Variants in FOXN3 observed in about 807,000 individuals in gnomAD.
FOXN3 encodes the protein forkhead box protein N3.
Under a neutral mutation model 38.4 loss-of-function variants are expected in FOXN3, and 7 were observed. The ratio of observed to expected loss-of-function variants is 0.18; its 90% confidence interval spans 0.10 to 0.34. The LOEUF is 0.34. Among genes scored for constraint, FOXN3 ranks in the 10% least tolerant of loss-of-function variants. The pLI, the probability that FOXN3 is intolerant of heterozygous loss-of-function variation, is 1.00. For synonymous variants in FOXN3, 230 were observed against 242.2 expected, an observed-to-expected ratio of 0.95 and a Z score of 0.47; for missense variants, 456 against 613.4, an observed-to-expected ratio of 0.74 and a Z score of 2.71.
chr14:89,313,678 A>C (rs958467174), intron 3 of FOXN3, among the ~76,000 whole-genome samples: 3 of 90,018 alleles, frequency 3.3e-5, no homozygotes, highest in African/African-American at 1.7e-4. Flanking sequence ...ATGTGAAAAG[A>C]TATTCCAATA....
At chr14:89,237,102 T>C (rs1885003559) in intron 4 of FOXN3, among the ~76,000 whole-genome samples, 1 of 151,296 alleles carries the variant, frequency 6.6e-6, no homozygotes, top group Admixed American at 6.6e-5. Flanking sequence ...GGCAGGGCAA[T>C]ACTGAATATA....
intron 3 of FOXN3, 24 bp from the exon 4 acceptor site, chr14:89,281,038 TAAGGC>T: frequency 1.2e-6 from 2 of 1,606,906 alleles, no homozygotes; most frequent in Non-Finnish European, 1.7e-6. Context: ...GAAACTAGCA[TAAGGC>T]CAAGTTCATC....
chr14:89,401,124 T>C (rs1163853240), intron 2 of FOXN3, among the ~76,000 whole-genome samples: 1 of 152,166 alleles, frequency 6.6e-6, no homozygotes, highest in Non-Finnish European at 1.5e-5. Context: ...CTTATTTTCA[T>C]AAATACAGAG....
rs545166279 is a variant in FOXN3, at chr14:89,205,217, ATG to A, written c.746-24413_746-24412del. Among the ~76,000 whole-genome samples the A allele has an allele frequency of 2.2e-4, 34 of 152,114 alleles. No individual in the cohort carries two copies. In the South Asian group the frequency reaches 6.4e-3, roughly 29 times the overall value. On this transcript the variant is annotated intron_variant, in intron 4 of 5. Transcript: ENST00000557258. Reference sequence around the variant, plus strand: ...GGTCTATGTGGGTGCTGTGATCAGAATGTGTGTGTCCCCCAAAATTCCTATGT... The same window carrying A: ...GGTCTATGTGGGTGCTGTGATCAGAATGTGTGTCCCCCAAAATTCCTATGT...
At chr14:89,267,291 G>A (rs1267908661) in intron 4 of FOXN3, among the ~76,000 whole-genome samples, 1 of 152,176 alleles carries the variant, frequency 6.6e-6, no homozygotes, top group African/African-American at 2.4e-5. Context: ...ACTGCTGCAG[G>A]ATGGTGAGCA....
chr14:89,557,367 G>A (rs917799404), intron 1 of FOXN3, among the ~76,000 whole-genome samples: 1 of 152,112 alleles, frequency 6.6e-6, no homozygotes, highest in Non-Finnish European at 1.5e-5. Flanking sequence ...TTCAGAGATT[G>A]CGCTGTAGTC....
At chr14:89,577,769 A>G (rs1206350383) in intron 1 of FOXN3, among the ~76,000 whole-genome samples, 8 of 152,334 alleles carry the variant, frequency 5.3e-5, no homozygotes, top group African/African-American at 1.9e-4. Context: ...TCATGAACAA[A>G]TATGGAAATT....
At chr14:89,253,333 C>T (rs1163533517) in intron 4 of FOXN3, among the ~76,000 whole-genome samples, 1 of 152,150 alleles carries the variant, frequency 6.6e-6, no homozygotes, top group Non-Finnish European at 1.5e-5. Context: ...TTCAAGAGCT[C>T]CCCAGGGAGA....
At chr14:89,204,593 A>C (rs1030241397) in intron 4 of FOXN3, among the ~76,000 whole-genome samples, 2 of 152,214 alleles carry the variant, frequency 1.3e-5, no homozygotes, top group African/African-American at 4.8e-5. Flanking sequence ...TGAAAAATAA[A>C]ACAAAGCGCC....
intron 4 of FOXN3, among the ~76,000 whole-genome samples, chr14:89,248,856 T>A (rs1222188037): frequency 6.6e-6 from 1 of 152,216 alleles, no homozygotes; most frequent in Non-Finnish European, 1.5e-5. Context: ...CTTATTCAAG[T>A]GGAATACTTT....
At chr14:89,532,841 T>G (rs1464003959) in intron 1 of FOXN3, among the ~76,000 whole-genome samples, 1 of 152,218 alleles carries the variant, frequency 6.6e-6, no homozygotes, top group Non-Finnish European at 1.5e-5. Flanking sequence ...GACATTTGTA[T>G]AGCTATACAT....
chr14:89,485,691 C>T (rs1010462070), intron 1 of FOXN3, among the ~76,000 whole-genome samples: 2 of 152,130 alleles, frequency 1.3e-5, no homozygotes, highest in African/African-American at 4.8e-5. Flanking sequence ...CCCTCTGCAA[C>T]GGGAAGGTGG....
chr14:89,199,905 G>GACA lies in FOXN3; in HGVS notation c.746-19102_746-19100dup, dbSNP rs367780395. ...GGCGACACAGCGAGACTCCATCTCA[G>GACA]ACAACAACAACAACAACAACAACAA... On this transcript the variant is annotated intron_variant, in intron 4 of 5. Coordinates refer to ENST00000557258, the MANE Select transcript of FOXN3 (RefSeq NM_005197.4). 6.8e-3 allele frequency among the ~76,000 whole-genome samples: 1,037 copies of GACA among 151,658 alleles called. 14 individuals are homozygous for GACA. Among genetic ancestry groups the GACA allele is most frequent in the Admixed American group, 0.02 (307 of 15,212 alleles).
chr14:89,546,500 T>G (rs983034326), intron 1 of FOXN3, among the ~76,000 whole-genome samples: 3 of 151,084 alleles, frequency 2.0e-5, no homozygotes, highest in Admixed American at 2.0e-4. Flanking sequence ...CGGCTAATTT[T>G]TTGTATTTTT....
intron 1 of FOXN3, among the ~76,000 whole-genome samples, chr14:89,605,647 A>G (rs1339119416): frequency 6.6e-6 from 1 of 152,180 alleles, no homozygotes; most frequent in Non-Finnish European, 1.5e-5. Flanking sequence ...ATATATAAAA[A>G]TGCAGCTTAA....
chr14:89,453,757 GA>G (rs1172314947), intron 1 of FOXN3, among the ~76,000 whole-genome samples: 2 of 152,130 alleles, frequency 1.3e-5, no homozygotes, highest in Non-Finnish European at 2.9e-5. Flanking sequence ...ATCATTTTTA[GA>G]GGATATCTGG....
At chr14:89,581,804 C>T (rs1235505404) in intron 1 of FOXN3, among the ~76,000 whole-genome samples, 2 of 152,154 alleles carry the variant, frequency 1.3e-5, no homozygotes, top group African/African-American at 4.8e-5. Flanking sequence ...GCACAATCCC[C>T]CATCATTCAC....
Position 89,257,100 on chromosome 14 carries a change from G to A in FOXN3, c.745+23850C>T, listed in dbSNP as rs11846029. On this transcript the variant is annotated intron_variant, in intron 4 of 5. Coordinates refer to ENST00000557258, the MANE Select transcript of FOXN3 (RefSeq NM_005197.4). The stretch of plus-strand genomic sequence containing the variant: ...CTTAACCACCTATCCTGCAGGTTGC[G>A]GTGAGAGTCCCCCAGGGCTAGGGCA... 5.1e-3 allele frequency among the ~76,000 whole-genome samples: 784 copies of A among 152,258 alleles called. 8 individuals are homozygous for A. The highest frequency in any genetic ancestry group is 0.018 in the African/African-American group (733 of 41,558).
upstream of FOXN3, chr14:89,417,549 C>A: frequency 3.4e-6 from 1 of 292,850 alleles, no homozygotes; most frequent in South Asian, 2.5e-5. Context: ...CGGCGCGTGC[C>A]CTGTCCCCTC....
Sources: gnomAD v4.1 joint callset for allele counts (sites outside exome capture counted in the v4.1 genomes callset) on GRCh38, gnomAD v4.1.1 for gene constraint, MANE v1.5 for transcripts, NCBI Gene and HGNC (gene_info 2026-07-23, HGNC 2026-07-21) for gene names.